The following ABCB1 variants were observed in gnomAD, a reference collection of about 807,000 sequenced individuals.
ABCB1 encodes the protein ATP-dependent translocase ABCB1.
In ABCB1, 69 loss-of-function variants were observed where a neutral mutation model predicts 142.0. The observed-to-expected ratio is 0.49, with a 90% CI of 0.40 to 0.59. The LOEUF is 0.59. Among genes scored for constraint, ABCB1 ranks in the 20% least tolerant of loss-of-function variants. The pLI, the probability that ABCB1 is intolerant of heterozygous loss-of-function variation, is 0.00. For synonymous variants in ABCB1, 532 were observed against 539.2 expected, an observed-to-expected ratio of 0.99 and a Z score of 0.18; for missense variants, 1,326 against 1,554.7, an observed-to-expected ratio of 0.85 and a Z score of 2.47.
intron 1 of ABCB1, among the ~76,000 whole-genome samples, chr7:87,672,929 G>A (rs776603890): frequency 7.2e-5 from 11 of 152,090 alleles, no homozygotes; most frequent in Non-Finnish European, 1.3e-4. Flanking sequence ...TCAATTGAAG[G>A]TGCTATATTA....
Position 87,595,777 on chromosome 7 carries a change from C to T in ABCB1, c.106G>A (p.Val36Ile). ...AATTCAAAACTCACCATTGAAAATA[C>T]ACTGACAGTTGGTTTCTTTTCCTTC... is the stretch of plus-strand genomic sequence containing the variant. Reference protein sequence around the residue: ...DKKEKKPTVSVFSMFRYSNWL... With the variant: ...DKKEKKPTVSIFSMFRYSNWL... Residue 36 changes from valine to isoleucine, a missense_variant, in exon 3 of 28, where the codon GTA becomes ATA. Val to Ile is a conservative substitution (Grantham distance 29). Transcript: ENST00000622132. The T allele has an allele frequency of 4.3e-6, 7 of 1,610,056 alleles. No individual in the cohort carries two copies. Among genetic ancestry groups the T allele is most frequent in the South Asian group, 1.1e-5 (1 of 90,894 alleles).
intron 8 of ABCB1, among the ~76,000 whole-genome samples, chr7:87,559,305 T>G (rs1487194427): frequency 1.3e-5 from 2 of 152,102 alleles, no homozygotes; most frequent in Non-Finnish European, 2.9e-5. Flanking sequence ...TTCTCCTTCT[T>G]AAGTGAGAGT....
chr7:87,608,867 A>C (rs1223101885), intron 1 of ABCB1, among the ~76,000 whole-genome samples: 1 of 152,186 alleles, frequency 6.6e-6, no homozygotes, highest in East Asian at 1.9e-4. Flanking sequence ...ACCAATGAAC[A>C]GTTGGTTAGA....
intron 4 of ABCB1, among the ~76,000 whole-genome samples, chr7:87,575,831 A>G (rs2129869385): frequency 6.6e-6 from 1 of 152,294 alleles, no homozygotes; most frequent in South Asian, 2.1e-4. Context: ...TCAAACTTAC[A>G]GGGCAGCATC....
intron 4 of ABCB1, among the ~76,000 whole-genome samples, chr7:87,577,749 T>C (rs1818333285): frequency 1.3e-5 from 2 of 152,230 alleles, no homozygotes; most frequent in Non-Finnish European, 2.9e-5. Flanking sequence ...TATTCAGATC[T>C]TTTGCCCATT....
At chr7:87,651,921 A>G (rs1346571475) in intron 1 of ABCB1, among the ~76,000 whole-genome samples, 1 of 151,912 alleles carries the variant, frequency 6.6e-6, no homozygotes, top group Non-Finnish European at 1.5e-5. Flanking sequence ...TTTCTGTTAA[A>G]TTTGGTTGTT....
intron 1 of ABCB1, among the ~76,000 whole-genome samples, chr7:87,695,624 G>A (rs1282100157): frequency 6.6e-6 from 1 of 152,014 alleles, no homozygotes; most frequent in Admixed American, 6.6e-5. Context: ...ACTTTCATTT[G>A]TGAAATCAGT....
chr7:87,642,454 A>G (rs886111752), intron 1 of ABCB1, among the ~76,000 whole-genome samples: 1 of 152,136 alleles, frequency 6.6e-6, no homozygotes, highest in African/African-American at 2.4e-5. Flanking sequence ...TTGGATTCCC[A>G]AGGGATATGT....
intron 1 of ABCB1, among the ~76,000 whole-genome samples, chr7:87,610,080 C>A (rs556807001): frequency 6.6e-6 from 1 of 152,076 alleles, no homozygotes. Flanking sequence ...CCTTGCGTGT[C>A]TTTTCCAATG....
chr7:87,509,297 G>T lies in ABCB1; in HGVS notation c.3467C>A (p.Ala1156Asp), dbSNP rs778901580. 2 of 1,614,154 alleles carry T rather than the reference G, an allele frequency of 1.2e-6. No homozygotes were observed. The highest frequency in any genetic ancestry group is 1.7e-6 in the Non-Finnish European group (2 of 1,180,016). ...TACATTAGGCAGTGACTCGATGAAG[G>T]CATGTATGTTGGCCTCCTTTGCTGC... Reference protein sequence around the residue: ...VRAAKEANIHAFIESLPNKYS... With the variant: ...VRAAKEANIHDFIESLPNKYS... The change falls in exon 26 of 28, where the codon GCC becomes GAC. Residue 1156 changes from alanine to aspartate, a missense_variant. Transcript: ENST00000622132.
intron 1 of ABCB1, among the ~76,000 whole-genome samples, chr7:87,625,798 A>G (rs2130115390): frequency 1.3e-5 from 2 of 152,198 alleles, no homozygotes; most frequent in South Asian, 4.1e-4. Context: ...GAAGAAGTGC[A>G]CTGACTAGTC....
In ABCB1 at chr7:87,650,731, A is replaced by G. The variant is rs985594749; in HGVS notation, c.-330-49653T>C. ...TATACTCTTGTAAAATATTTTTACA[A>G]CTCTTCCCCAAATTGCCTTCCTCCC... On this transcript the variant is annotated intron_variant, in intron 1 of 28. Coordinates refer to the ABCB1 transcript ENST00000265724. 1.8e-5 allele frequency: 13 copies of G among 740,214 alleles called. No homozygotes were observed. The African/African-American group carries it at 2.1e-4, about 12-fold the overall frequency. 45.9% of individuals were successfully genotyped at this position (740,214 alleles called of 1,614,324 possible).
intron 21 of ABCB1, among the ~76,000 whole-genome samples, chr7:87,529,582 T>G (rs1213137614): frequency 6.6e-6 from 1 of 152,240 alleles, no homozygotes; most frequent in Non-Finnish European, 1.5e-5. Flanking sequence ...AAATCTCATG[T>G]GTCACTTCAA....
At chr7:87,641,785 G>T (rs1302266131) in intron 1 of ABCB1, among the ~76,000 whole-genome samples, 1 of 152,164 alleles carries the variant, frequency 6.6e-6, no homozygotes, top group Non-Finnish European at 1.5e-5. Flanking sequence ...ATGATTTATT[G>T]TCTGTTATCT....
At chr7:87,710,680 A>C (rs531934112) in intron 1 of ABCB1, 1 of 1,303,404 alleles carries the variant, frequency 7.7e-7, no homozygotes, top group Non-Finnish European at 1.1e-6. Context: ...TTAATTTTCT[A>C]ATATATATTT....
chr7:87,596,076 A>G (rs1236187390), intron 2 of ABCB1, among the ~76,000 whole-genome samples: 1 of 151,990 alleles, frequency 6.6e-6, no homozygotes, highest in Non-Finnish European at 1.5e-5. Flanking sequence ...TGCCTTTGAT[A>G]TTTCCTGATT....
intron 3 of ABCB1, among the ~76,000 whole-genome samples, chr7:87,591,303 T>A (rs964530791): frequency 1.7e-4 from 26 of 152,168 alleles, no homozygotes; most frequent in African/African-American, 6.3e-4. Context: ...AAACTTCGAT[T>A]CCAGAACAGT....
intron 1 of ABCB1, among the ~76,000 whole-genome samples, chr7:87,664,991 G>A (rs1199434180): frequency 2.0e-5 from 3 of 152,066 alleles, no homozygotes; most frequent in Non-Finnish European, 4.4e-5. Flanking sequence ...CACACAGTAA[G>A]CATCATATTC....
chr7:87,533,139 G>A (rs1324659643), intron 20 of ABCB1, among the ~76,000 whole-genome samples: 1 of 152,140 alleles, frequency 6.6e-6, no homozygotes, highest in Non-Finnish European at 1.5e-5. Context: ...GACTGGAATG[G>A]TTTTCAAAGC....
Sources: allele counts gnomAD v4.1 joint callset (sites outside exome capture counted in the v4.1 genomes callset), GRCh38; gene constraint gnomAD v4.1.1; transcripts MANE v1.5; gene names NCBI Gene and HGNC (gene_info 2026-07-23, HGNC 2026-07-21).